The following LDB2 variants were observed in gnomAD, a reference collection of about 807,000 sequenced individuals.
LDB2 encodes LIM domain binding 2, also known as LIM domain-binding protein 2.
LDB2 carries 12 observed loss-of-function variants against 44.3 expected under a neutral mutation model. The ratio of observed to expected loss-of-function variants is 0.27; its 90% CI spans 0.17 to 0.44. The LOEUF is 0.44. Ranked by LOEUF, LDB2 falls within the 20% of genes least tolerant of loss-of-function variation. The pLI is 1.00. For missense variants in LDB2, 344 were observed against 473.5 expected (o/e 0.73, Z 2.54); for synonymous variants, 164 against 174.8 (o/e 0.94, Z 0.49).
At chr4:16,504,775 T>C (rs920955899) in intron 7 of LDB2, among the ~76,000 whole-genome samples, 1 of 151,912 alleles carries the variant, frequency 6.6e-6, no homozygotes, top group Non-Finnish European at 1.5e-5. Flanking sequence ...CACTGAGTTA[T>C]AGGCAATTAG....
intron 1 of LDB2, among the ~76,000 whole-genome samples, chr4:16,808,755 T>C (rs1779239822): frequency 6.6e-6 from 1 of 152,190 alleles, no homozygotes; most frequent in South Asian, 2.1e-4. Flanking sequence ...TGGACTGTTT[T>C]CCACATTTGC....
At chr4:16,839,844 G>A (rs889831245) in intron 1 of LDB2, among the ~76,000 whole-genome samples, 5 of 152,106 alleles carry the variant, frequency 3.3e-5, no homozygotes, top group African/African-American at 4.8e-5. Context: ...ATTTGTAGAT[G>A]AGGAAACTGC....
chr4:16,505,361 G>A (rs113065456), intron 7 of LDB2, among the ~76,000 whole-genome samples: 2 of 147,158 alleles, frequency 1.4e-5, no homozygotes, highest in Admixed American at 6.8e-5. Flanking sequence ...GAGAGAGAGC[G>A]TGTGTGTGTG....
intron 1 of LDB2, among the ~76,000 whole-genome samples, chr4:16,817,646 T>G (rs1480187694): frequency 6.6e-6 from 1 of 152,220 alleles, no homozygotes; most frequent in Non-Finnish European, 1.5e-5. Flanking sequence ...GCATAGTGCT[T>G]TCTATGTGGA....
At chr4:16,722,468 A>G (rs1487825067) in intron 2 of LDB2, among the ~76,000 whole-genome samples, 1 of 152,184 alleles carries the variant, frequency 6.6e-6, no homozygotes, top group Non-Finnish European at 1.5e-5. Context: ...TCTACAATAT[A>G]GCAAAATATC....
chr4:16,765,103 A>G (rs1768905825), intron 1 of LDB2, among the ~76,000 whole-genome samples: 2 of 152,190 alleles, frequency 1.3e-5, no homozygotes, highest in African/African-American at 4.8e-5. Flanking sequence ...CACAACCACA[A>G]GTCTGACATC....
intron 2 of LDB2, among the ~76,000 whole-genome samples, chr4:16,739,367 A>G (rs1579212180): frequency 6.6e-6 from 1 of 150,828 alleles, no homozygotes; most frequent in South Asian, 2.1e-4. Flanking sequence ...CAGGCAGATC[A>G]CTTGAGGTCA....
intron 2 of LDB2, among the ~76,000 whole-genome samples, chr4:16,679,730 G>T (rs1411477964): frequency 6.6e-6 from 1 of 152,158 alleles, no homozygotes; most frequent in Non-Finnish European, 1.5e-5. Context: ...GGCAGGGGAA[G>T]AGAGTGTTCG....
chr4:16,898,605 A>C lies in LDB2; in HGVS notation c.-120T>G, dbSNP rs1375696164. 1.4e-6 allele frequency: 1 copy of C among 705,452 alleles called. No individual in the cohort carries two copies. Among genetic ancestry groups the C allele is most frequent in the African/African-American group, 1.9e-5 (1 of 53,956 alleles). The allele number at this position is 705,452 out of a possible 1,614,324, so 43.7% of individuals were successfully genotyped here. A position where few individuals can be genotyped will look rare whatever the true frequency, so the allele number is the denominator to read the frequency against. The stretch of plus-strand genomic sequence containing the variant: ...CGCACACACGCTCACACACACACAG[A>C]GGCAGGCAGGCAGGCAGGCTGAACA... On this transcript the variant is annotated 5_prime_UTR_variant, in exon 1 of 8. Transcript: ENST00000304523.
At chr4:16,552,124 A>C (rs1165305291) in intron 5 of LDB2, among the ~76,000 whole-genome samples, 2 of 152,122 alleles carry the variant, frequency 1.3e-5, no homozygotes, top group African/African-American at 4.8e-5. Context: ...GGTTTGTATT[A>C]TATTTTGTGT....
chr4:16,645,671 G>A lies in LDB2; in HGVS notation c.236-49796C>T, dbSNP rs185836099. Among the ~76,000 whole-genome samples, 267 of 152,210 alleles carry A rather than the reference G, an allele frequency of 1.8e-3. 2 individuals carry two copies. Among genetic ancestry groups the A allele is most frequent in the African/African-American group, 6.3e-3 (261 of 41,530 alleles). Reference sequence around the variant, plus strand: ...AAATAAGCAACAGGAGGTAAATTCAGGTTAAGATAGGTATATTCAGAATCA... The same window carrying A: ...AAATAAGCAACAGGAGGTAAATTCAAGTTAAGATAGGTATATTCAGAATCA... On this transcript the variant is annotated intron_variant, in intron 2 of 7. Transcript: ENST00000304523.
At chr4:16,798,516 T>C (rs549615219) in intron 1 of LDB2, among the ~76,000 whole-genome samples, 1 of 152,320 alleles carries the variant, frequency 6.6e-6, no homozygotes, top group East Asian at 1.9e-4. Context: ...TACTTTGTAA[T>C]TTGAGAAGCA....
intron 1 of LDB2, among the ~76,000 whole-genome samples, chr4:16,772,626 T>C (rs1364599268): frequency 6.6e-6 from 1 of 152,216 alleles, no homozygotes; most frequent in East Asian, 1.9e-4. Context: ...TTTGACTCAG[T>C]AATTCTATTT....
chr4:16,598,877 CT>C (rs5856371), intron 2 of LDB2, among the ~76,000 whole-genome samples: 78,100 of 143,758 alleles, frequency 0.54, 21,152 homozygotes, highest in Middle Eastern at 0.69. Flanking sequence ...TTCTTTCTTT[CT>C]TTTTTTTTTT....
chr4:16,851,842 T>G (rs1788315934), intron 1 of LDB2, among the ~76,000 whole-genome samples: 1 of 152,032 alleles, frequency 6.6e-6, no homozygotes, highest in Non-Finnish European at 1.5e-5. Flanking sequence ...ATGTCTCCAG[T>G]GAGAGAGAGG....
At position 16,779,907 on chromosome 4, in the gene LDB2, G is replaced by A. The variant is rs182839255; in HGVS notation, c.133-20647C>T. Among the ~76,000 whole-genome samples the A allele has an allele frequency of 4.3e-4, 66 of 152,216 alleles. 2 individuals are homozygous for A. The highest frequency in any genetic ancestry group is 5.9e-5 in the Non-Finnish European group (4 of 68,022). On this transcript the variant is annotated intron_variant, in intron 1 of 7. Coordinates refer to ENST00000304523, the MANE Select transcript of LDB2 (RefSeq NM_001290.5). The stretch of plus-strand genomic sequence containing the variant: ...CTTTTTTCATTTTCTTCTCCAAAAT[G>A]CAAGATCTTCTTTCTTTTCTGTATT...
intron 1 of LDB2, among the ~76,000 whole-genome samples, chr4:16,896,183 G>A (rs1254220426): frequency 6.6e-6 from 1 of 152,124 alleles, no homozygotes; most frequent in African/African-American, 2.4e-5. Flanking sequence ...TTTAAGATTT[G>A]TCATAGCAAG....
At chr4:16,742,218 T>C (rs1405039852) in intron 2 of LDB2, among the ~76,000 whole-genome samples, 4 of 151,948 alleles carry the variant, frequency 2.6e-5, no homozygotes, top group Admixed American at 6.6e-5. Flanking sequence ...ACTACAGCCA[T>C]GTGCCACCAC....
Position 16,616,658 on chromosome 4 carries a change from G to C in LDB2, c.236-20783C>G, listed in dbSNP as rs1176561850. ...CTAAGAGTGACTTGAGGCTGCCCTG[G>C]TGCTGTATGACTCTGCATTTGGGGT... On this transcript the variant is annotated intron_variant, in intron 2 of 7. Coordinates refer to ENST00000304523, the MANE Select transcript of LDB2 (RefSeq NM_001290.5). Among the ~76,000 whole-genome samples the C allele has an allele frequency of 2.0e-5, 3 of 147,312 alleles. No homozygotes were observed. In the Admixed American group the frequency reaches 2.1e-4, roughly 10 times the overall value.
Sources: allele counts gnomAD v4.1 joint callset (sites outside exome capture counted in the v4.1 genomes callset), GRCh38; gene constraint gnomAD v4.1.1; transcripts MANE v1.5; gene names NCBI Gene and HGNC (gene_info 2026-07-23, HGNC 2026-07-21).